Variants in PRTFDC1 observed in about 807,000 individuals in gnomAD.
PRTFDC1 encodes phosphoribosyltransferase domain-containing protein 1.
In PRTFDC1, 38 loss-of-function variants were observed where a neutral mutation model predicts 34.6. The ratio of observed to expected loss-of-function variants is 1.10; its 90% confidence interval spans 0.85 to 1.44. PRTFDC1 has a LOEUF of 1.44. Ranked by LOEUF, PRTFDC1 falls within the 40% of genes most tolerant of loss-of-function variation. PRTFDC1 has a pLI of 0.00. For synonymous variants in PRTFDC1, 93 were observed against 98.1 expected (o/e 0.95, Z 0.31); for missense variants, 270 against 283.0 (o/e 0.95, Z 0.33).
At chr10:24,951,388 C>A (rs1849341814) in intron 1 of PRTFDC1, among the ~76,000 whole-genome samples, 1 of 152,150 alleles carries the variant, frequency 6.6e-6, no homozygotes, top group South Asian at 2.1e-4. Context: ...GAGCCTACAG[C>A]ACCTCCTACA....
intron 3 of PRTFDC1, among the ~76,000 whole-genome samples, chr10:24,894,344 A>AAAAAAT (rs956605075): frequency 6.6e-6 from 1 of 151,784 alleles, no homozygotes; most frequent in Non-Finnish European, 1.5e-5. Context: ...AAAAAAAAAA[A>AAAAAAT]AAAAGAGAGA....
At chr10:24,929,901 A>C (rs1339222116) in intron 3 of PRTFDC1, among the ~76,000 whole-genome samples, 2 of 152,142 alleles carry the variant, frequency 1.3e-5, no homozygotes, top group Non-Finnish European at 2.9e-5. Flanking sequence ...ACCCTGATAG[A>C]GCTTTCTCAA....
intron 3 of PRTFDC1, among the ~76,000 whole-genome samples, chr10:24,899,714 C>T (rs1588602000): frequency 6.6e-6 from 1 of 152,134 alleles, no homozygotes; most frequent in East Asian, 1.9e-4. Flanking sequence ...CAACATGGCT[C>T]TTTAAAAATC....
chr10:24,872,931 C>T (rs1187902980), intron 3 of PRTFDC1, among the ~76,000 whole-genome samples: 1 of 150,600 alleles, frequency 6.6e-6, no homozygotes, highest in Non-Finnish European at 1.5e-5. Context: ...TCTCGGCTTC[C>T]CAAGTAGCTG....
intron 3 of PRTFDC1, among the ~76,000 whole-genome samples, chr10:24,935,048 G>A (rs562434080): frequency 1.3e-5 from 2 of 152,186 alleles, no homozygotes; most frequent in African/African-American, 2.4e-5. Flanking sequence ...GGGCTTAGGG[G>A]TTCAGGAGGT....
rs74404808 is a variant in PRTFDC1 at position 24,936,185 on chromosome 10, C to T, written c.339+999G>A. Among the ~76,000 whole-genome samples the T allele has an allele frequency of 3.8e-3, 577 of 152,280 alleles. 22 individuals carry two copies. In the East Asian group the frequency reaches 0.087, roughly 23 times the overall value. ...ATGGTTTGACTCCAAGAGCTCCTCACCCAATAGTAAGTTATTTTTAATGTT... is the reference window on the plus strand; with the variant it reads ...ATGGTTTGACTCCAAGAGCTCCTCATCCAATAGTAAGTTATTTTTAATGTT... On this transcript the variant is annotated intron_variant, in intron 3 of 8. Transcript: ENST00000320152.
intron 7 of PRTFDC1, among the ~76,000 whole-genome samples, chr10:24,852,579 C>T (rs945857800): frequency 5.3e-5 from 8 of 152,190 alleles, no homozygotes; most frequent in African/African-American, 1.7e-4. Flanking sequence ...TACAGGCATG[C>T]AAAACTACGC....
At chr10:24,924,180 G>T (rs1848836602) in intron 3 of PRTFDC1, among the ~76,000 whole-genome samples, 1 of 152,202 alleles carries the variant, frequency 6.6e-6, no homozygotes, top group African/African-American at 2.4e-5. Context: ...TGTTTGATTG[G>T]TGTACCTGAA....
chr10:24,934,649 T>G (rs960272730), intron 3 of PRTFDC1, among the ~76,000 whole-genome samples: 7 of 152,210 alleles, frequency 4.6e-5, no homozygotes, highest in African/African-American at 1.7e-4. Flanking sequence ...AGAACTTCTT[T>G]TAATCTACCC....
intron 3 of PRTFDC1, among the ~76,000 whole-genome samples, chr10:24,894,580 C>T (rs1349372379): frequency 3.3e-5 from 5 of 152,116 alleles, no homozygotes; most frequent in South Asian, 4.1e-4. Context: ...TGAAGGCACC[C>T]GGGAGCCAAT....
At chr10:24,908,802 C>T in intron 3 of PRTFDC1, 2 of 1,389,270 alleles carry the variant, frequency 1.4e-6, no homozygotes, top group Non-Finnish European at 1.9e-6. Context: ...AGCCAGATAG[C>T]CCTCACATCC....
At chr10:24,872,776 A>ATGTG (rs377737878) in intron 3 of PRTFDC1, among the ~76,000 whole-genome samples, 1,535 of 94,324 alleles carry the variant, frequency 0.016, 28 homozygotes, top group Middle Eastern at 0.051. Context: ...GTATATATAT[A>ATGTG]TGTGTGTGTG....
At chr10:24,864,762 G>A (rs12256858) in intron 4 of PRTFDC1, among the ~76,000 whole-genome samples, 3,798 of 152,230 alleles carry the variant, frequency 0.025, 142 homozygotes, top group African/African-American at 0.087. Context: ...AGATATGGCT[G>A]TGCCTAAGAT....
intron 3 of PRTFDC1, among the ~76,000 whole-genome samples, chr10:24,881,943 A>C (rs1363672854): frequency 6.6e-6 from 1 of 152,076 alleles, no homozygotes; most frequent in African/African-American, 2.4e-5. Context: ...ACGGTGGCTC[A>C]TATCTGTAAT....
At chr10:24,922,226 T>G (rs962166917) in intron 3 of PRTFDC1, among the ~76,000 whole-genome samples, 1 of 152,200 alleles carries the variant, frequency 6.6e-6, no homozygotes, top group Non-Finnish European at 1.5e-5. Context: ...TAACATAAAA[T>G]AAGGATAATT....
chr10:24,870,175 T>A (rs546469504), intron 4 of PRTFDC1, among the ~76,000 whole-genome samples: 1 of 152,344 alleles, frequency 6.6e-6, no homozygotes, highest in Admixed American at 6.5e-5. Context: ...ACTGGTGCCA[T>A]CATAGCTCAC....
In PRTFDC1 at chr10:24,855,383, T is replaced by A; in HGVS notation, c.507-19A>T. 6.2e-7 allele frequency: 1 copy of A among 1,613,750 alleles called. No homozygotes were observed. The highest frequency in any genetic ancestry group is 8.5e-7 in the Non-Finnish European group (1 of 1,179,742). ...CAACAAACTACCATTAAAAAAGACA[T>A]GCTTTAGTGAACCCAATCAAATCTC... is the stretch of plus-strand genomic sequence containing the variant. On this transcript the variant is annotated intron_variant, in intron 6 of 8. Transcript: ENST00000320152.
At chr10:24,857,019 T>G (rs2132491690) in intron 5 of PRTFDC1, 24 bp from the exon 6 acceptor site, 1 of 1,572,028 alleles carries the variant, frequency 6.4e-7, no homozygotes, top group South Asian at 1.1e-5. Context: ...ACAGATAAAT[T>G]CAACAAAATG....
rs766721414 is a variant in PRTFDC1 at position 24,872,033 on chromosome 10, T to C, written c.370A>G (p.Ile124Val). 1.5e-5 allele frequency: 24 copies of C among 1,612,352 alleles called. No individual in the cohort carries two copies. Among genetic ancestry groups the C allele is most frequent in the Admixed American group, 5.0e-5 (3 of 60,004 alleles). The change falls in exon 4 of 9, where the codon ATC becomes GTC. Residue 124 changes from isoleucine (I) to valine (V), a missense_variant. By Grantham distance (29) the Ile-to-Val change is conservative. Transcript: ENST00000320152. ...AGCGTTGAAAGATCATCGCCTCCGATTATCTGCATCTCACCCATGGACTGG... is the reference window on the plus strand; with the variant it reads ...AGCGTTGAAAGATCATCGCCTCCGACTATCTGCATCTCACCCATGGACTGG... The part of the protein sequence containing the change: ...NDQSMGEMQI[I>V]GGDDLSTLAG...
Sources: allele counts gnomAD v4.1 joint callset (sites outside exome capture counted in the v4.1 genomes callset), GRCh38; gene constraint gnomAD v4.1.1; transcripts MANE v1.5; gene names NCBI Gene and HGNC (gene_info 2026-07-23, HGNC 2026-07-21).